Variants in SAMD3 observed in about 807,000 individuals in gnomAD.
The protein encoded by SAMD3 is sterile alpha motif domain-containing protein 3.
In SAMD3, 63 loss-of-function variants were observed where a neutral mutation model predicts 58.5. The observed-to-expected ratio is 1.08, with a 90% confidence interval of 0.88 to 1.33. SAMD3 has a LOEUF of 1.33. Ranked by LOEUF, SAMD3 falls within the 40% of genes most tolerant of loss-of-function variation. The probability of loss-of-function intolerance (pLI) is 0.00; values close to 1 mark genes in which losing one functional copy is unlikely to be tolerated. For synonymous variants in SAMD3, 220 were observed against 210.3 expected (o/e 1.05, Z -0.40); for missense variants, 604 against 608.4 (o/e 0.99, Z 0.08).
chr6:130,269,380 T>G (rs1774477090), intron 2 of SAMD3, among the ~76,000 whole-genome samples: 1 of 152,182 alleles, frequency 6.6e-6, no homozygotes, highest in South Asian at 2.1e-4. Context: ...AAATATGACT[T>G]CAATTTCTTT....
Position 130,145,379 on chromosome 6 carries a change from A to C in SAMD3, c.1239T>G (p.Phe413Leu). The C allele has an allele frequency of 6.2e-7, 1 of 1,611,110 alleles. No homozygotes were observed. Among genetic ancestry groups the C allele is most frequent in the Non-Finnish European group, 8.5e-7 (1 of 1,177,926 alleles). ...TGACAAAAAGGCTGGGATCATCCCC[A>C]AAAACATCTGGGAGGAGTAAACATG... ...TATCLLLPDV[F>L]GDDPSLFVIM... Residue 413 changes from phenylalanine (F) to leucine (L), a missense_variant, in exon 11 of 12, where the codon TTT becomes TTG. Physicochemically the swap from Phe to Leu is conservative, Grantham distance 22. Transcript: ENST00000439090.
intron 1 of SAMD3, chr6:130,221,739 G>A (rs1335823037): frequency 5.3e-5 from 8 of 152,248 alleles, no homozygotes; most frequent in Non-Finnish European, 1.0e-4. Flanking sequence ...TGTCTCAGGG[G>A]TGGCAGAGGC....
At chr6:130,261,917 A>G (rs887655842) in intron 2 of SAMD3, among the ~76,000 whole-genome samples, 1 of 152,046 alleles carries the variant, frequency 6.6e-6, no homozygotes, top group African/African-American at 2.4e-5. Flanking sequence ...GGTTCAAAGA[A>G]CTGCATTATA....
intron 2 of SAMD3, among the ~76,000 whole-genome samples, chr6:130,236,960 A>G (rs1773172575): frequency 6.6e-6 from 1 of 152,218 alleles, no homozygotes; most frequent in Non-Finnish European, 1.5e-5. Flanking sequence ...ATTGCAATCA[A>G]TAAAATATTG....
intron 5 of SAMD3, among the ~76,000 whole-genome samples, chr6:130,195,658 T>C (rs1337569201): frequency 6.6e-6 from 1 of 152,208 alleles, no homozygotes; most frequent in Non-Finnish European, 1.5e-5. Flanking sequence ...GGACTGACCC[T>C]GACACCCATC....
At chr6:130,335,774 A>T (rs912325712) in intron 1 of SAMD3, among the ~76,000 whole-genome samples, 1 of 152,180 alleles carries the variant, frequency 6.6e-6, no homozygotes, top group Non-Finnish European at 1.5e-5. Context: ...CAAATGTCCC[A>T]CAATGATAGA....
chr6:130,365,640 G>A (rs1778116750), upstream of SAMD3: 1 of 985,282 alleles, frequency 1.0e-6, no homozygotes, highest in Admixed American at 6.1e-5. Flanking sequence ...GTGGTCCCGC[G>A]GTAGCTAGAG....
intron 2 of SAMD3, among the ~76,000 whole-genome samples, chr6:130,297,880 G>A (rs190557143): frequency 4.6e-5 from 7 of 152,054 alleles, no homozygotes; most frequent in African/African-American, 1.4e-4. Context: ...AGAAATATAG[G>A]ATTATGTAAA....
intron 8 of SAMD3, among the ~76,000 whole-genome samples, chr6:130,173,056 A>C (rs980784878): frequency 1.3e-5 from 2 of 152,226 alleles, no homozygotes; most frequent in African/African-American, 4.8e-5. Flanking sequence ...CAGGTCATTT[A>C]TGTTCCTCTC....
intron 8 of SAMD3, chr6:130,159,893 A>C (rs1023813901): frequency 1.3e-5 from 2 of 152,206 alleles, no homozygotes; most frequent in Admixed American, 6.5e-5. Context: ...ATATGAAAAG[A>C]TGATCACCCT....
intron 2 of SAMD3, among the ~76,000 whole-genome samples, chr6:130,284,010 G>A (rs1335566169): frequency 6.6e-6 from 1 of 152,052 alleles, no homozygotes; most frequent in African/African-American, 2.4e-5. Flanking sequence ...GTGCCATCAC[G>A]CCAGGCTAAT....
intron 1 of SAMD3, among the ~76,000 whole-genome samples, chr6:130,330,005 C>T (rs1014224231): frequency 1.3e-5 from 2 of 152,118 alleles, no homozygotes; most frequent in African/African-American, 2.4e-5. Flanking sequence ...ATAGGAGCAG[C>T]AAACCACCAT....
At chr6:130,248,030 T>G (rs929397268) in intron 2 of SAMD3, among the ~76,000 whole-genome samples, 3 of 152,184 alleles carry the variant, frequency 2.0e-5, no homozygotes, top group Non-Finnish European at 4.4e-5. Context: ...AACTGCCCTT[T>G]ATTGTGGCAT....
At chr6:130,308,350 A>ATTCTATTCTATTCTATTCTATTCT (rs1775980650) in intron 2 of SAMD3, among the ~76,000 whole-genome samples, 5 of 11,408 alleles carry the variant, frequency 4.4e-4, no homozygotes, top group African/African-American at 1.7e-3. Flanking sequence ...AGTTCATAGA[A>ATTCTATTCTATTCTATTCTATTCT]TTCTATTCTA....
intron 8 of SAMD3, among the ~76,000 whole-genome samples, chr6:130,157,213 A>T (rs774361199): frequency 9.2e-5 from 14 of 152,072 alleles, no homozygotes; most frequent in Non-Finnish European, 1.6e-4. Flanking sequence ...ATGAAAAAAC[A>T]TGACCATTTC....
chr6:130,200,152 T>TA, intron 5 of SAMD3, among the ~76,000 whole-genome samples: 1 of 152,238 alleles, frequency 6.6e-6, no homozygotes, highest in Middle Eastern at 3.4e-3. Context: ...CTCTTGGTAT[T>TA]AACAGAAATG....
intron 1 of SAMD3, among the ~76,000 whole-genome samples, chr6:130,219,202 G>T (rs1796121872): frequency 6.6e-6 from 1 of 152,044 alleles, no homozygotes; most frequent in South Asian, 2.1e-4. Context: ...ATACATCACG[G>T]TCTGAAAGGG....
chr6:130,186,092 A>T (rs972732786), intron 5 of SAMD3, among the ~76,000 whole-genome samples: 1 of 152,162 alleles, frequency 6.6e-6, no homozygotes, highest in African/African-American at 2.4e-5. Context: ...TCCAAGTAAC[A>T]ATTAATCAAA....
At chr6:130,363,191 G>A (rs1445172532) in intron 1 of SAMD3, among the ~76,000 whole-genome samples, 1 of 152,070 alleles carries the variant, frequency 6.6e-6, no homozygotes, top group Non-Finnish European at 1.5e-5. Context: ...TCCCATTGAA[G>A]ACATTTTTAT....
Sources: allele counts gnomAD v4.1 joint callset (sites outside exome capture counted in the v4.1 genomes callset), GRCh38; gene constraint gnomAD v4.1.1; transcripts MANE v1.5; gene names NCBI Gene and HGNC (gene_info 2026-07-23, HGNC 2026-07-21).